Variants in SPIN4 observed in about 807,000 individuals in gnomAD.
The protein encoded by SPIN4 is spindlin-4.
Under a neutral mutation model 10.4 loss-of-function variants are expected in SPIN4, and 4 were observed. That is an observed-to-expected ratio of 0.38 (90% CI 0.19 to 0.88). The LOEUF is 0.88. Among genes scored for constraint, SPIN4 ranks in the 40% least tolerant of loss-of-function variants. The probability of loss-of-function intolerance (pLI) is 0.40; values close to 1 mark genes in which losing one functional copy is unlikely to be tolerated. For synonymous variants in SPIN4, 71 were observed against 78.4 expected (o/e 0.91, Z 0.50); for missense variants, 126 against 198.7 (o/e 0.63, Z 2.20).
chrX:63,347,729 T>C lies in SPIN4; in HGVS notation c.*2341A>G, dbSNP rs1482369682. ...TACTGGTAAATAAAATCCACTCATG[T>C]AGCAAATCATTATTTCACAATGACC... On this transcript the variant is annotated 3_prime_UTR_variant, in exon 1 of 1. Coordinates refer to ENST00000374884, the MANE Select transcript of SPIN4 (RefSeq NM_001012968.3). 1.2e-4 allele frequency: 13 copies of C among 111,770 alleles called. No individual in the cohort carries two copies. The highest frequency in any genetic ancestry group is 4.2e-4 in the African/African-American group (13 of 30,787). The allele number at this position is 111,770 out of a possible 1,213,427, so 9.2% of individuals were successfully genotyped here.
At position 63,351,195 on chromosome X, in the gene SPIN4, G is replaced by A; in HGVS notation, c.-376C>T. On this transcript the variant is annotated 5_prime_UTR_variant, in exon 1 of 1. Coordinates refer to ENST00000374884, the MANE Select transcript of SPIN4 (RefSeq NM_001012968.3). ...GTCGATGCTGGTGCGGCTGCGGCAC[G>A]GCGGCAGAGGAGACGACGGGGACGA... 1 of 170,532 alleles carries A rather than the reference G, an allele frequency of 5.9e-6. No individual in the cohort carries two copies. Among genetic ancestry groups the A allele is most frequent in the Non-Finnish European group, 1.2e-5 (1 of 83,369 alleles). The allele number at this position is 170,532 out of a possible 1,213,427, so 14.1% of individuals were successfully genotyped here. A position where few individuals can be genotyped will look rare whatever the true frequency, so the allele number is the denominator to read the frequency against.
Position 63,347,597 on chromosome X carries a change from T to A in SPIN4, c.*2473A>T, listed in dbSNP as rs1386338476. ...AAATTGAAAACTCACATATTCATAT[T>A]TTTTTAAAGCTAGCACAACTTCAAT... On this transcript the variant is annotated 3_prime_UTR_variant, in exon 1 of 1. Coordinates refer to ENST00000374884, the MANE Select transcript of SPIN4 (RefSeq NM_001012968.3). The A allele has an allele frequency of 8.9e-6, 1 of 112,100 alleles. No individual in the cohort carries two copies. Among genetic ancestry groups the A allele is most frequent in the Non-Finnish European group, 1.9e-5 (1 of 53,088 alleles). The allele number at this position is 112,100 out of a possible 1,213,427, so 9.2% of individuals were successfully genotyped here.
chrX:63,349,216 T>C lies in SPIN4; in HGVS notation c.*854A>G, dbSNP rs1932969225. The C allele has an allele frequency of 1.8e-5, 2 of 111,509 alleles. No homozygotes were observed. Among genetic ancestry groups the C allele is most frequent in the Admixed American group, 1.9e-4 (2 of 10,482 alleles). The allele number at this position is 111,509 out of a possible 1,213,427, so 9.2% of individuals were successfully genotyped here. A position where few individuals can be genotyped will look rare whatever the true frequency, so the allele number is the denominator to read the frequency against. The stretch of plus-strand genomic sequence containing the variant: ...TAAACTAACAAGCAATACAATGCAA[T>C]TTTTAGCCTTTCATATTTTCAAGCA... On this transcript the variant is annotated 3_prime_UTR_variant, in exon 1 of 1. Transcript: ENST00000374884.
At position 63,350,471 on chromosome X, in the gene SPIN4, A is replaced by C; in HGVS notation, c.349T>G (p.Ser117Ala). ...TPRIDSRLAD[S>A]LIGKAVEHVF... Reference sequence around the variant, plus strand: ...TGCTCCACTGCCTTGCCAATCAGGGAATCTGCCAGTCGTGAATCGATACGA... The same window carrying C: ...TGCTCCACTGCCTTGCCAATCAGGGCATCTGCCAGTCGTGAATCGATACGA... Residue 117 changes from serine to alanine, a missense_variant, in exon 1 of 1, where the codon TCC (serine) becomes GCC (alanine). Coordinates refer to ENST00000374884, the MANE Select transcript of SPIN4 (RefSeq NM_001012968.3). The C allele has an allele frequency of 8.3e-7, 1 of 1,211,761 alleles. No homozygotes were observed. The highest frequency in any genetic ancestry group is 1.7e-5 in the African/African-American group (1 of 57,737).
rs1197857501 is a variant in SPIN4, at chrX:63,350,723, T to A, written c.97A>T (p.Thr33Ser). The A allele has an allele frequency of 5.0e-6, 6 of 1,209,822 alleles. No homozygotes were observed. Among genetic ancestry groups the A allele is most frequent in the Non-Finnish European group, 6.7e-6 (6 of 895,203 alleles). The change falls in exon 1 of 1, where the codon ACT (threonine) becomes TCT (serine). Residue 33 changes from threonine (T) to serine (S), a missense_variant. Coordinates refer to ENST00000374884, the MANE Select transcript of SPIN4 (RefSeq NM_001012968.3). ...HTHRKQRRKP[T>S]FLTRRNIVGC... is the part of the protein sequence containing the mutation. Reference sequence around the variant, plus strand: ...ACGATGTTCCTACGAGTGAGGAAAGTGGGCTTGCGCCGTTGCTTCCTGTGG... The same window carrying A: ...ACGATGTTCCTACGAGTGAGGAAAGAGGGCTTGCGCCGTTGCTTCCTGTGG...
In SPIN4 at chrX:63,349,864, T is replaced by C; in HGVS notation, c.*206A>G. On this transcript the variant is annotated 3_prime_UTR_variant, in exon 1 of 1. Transcript: ENST00000374884. ...ATTAGCACCCAATTTAACTGTTAAG[T>C]TACAGAACAAGGCAATATCAAAAGT... is the stretch of plus-strand genomic sequence containing the variant. The C allele has an allele frequency of 2.5e-6, 1 of 394,991 alleles. No homozygotes were observed. Among genetic ancestry groups the C allele is most frequent in the Non-Finnish European group, 4.3e-6 (1 of 232,144 alleles). The allele number at this position is 394,991 out of a possible 1,213,427, so 32.6% of individuals were successfully genotyped here.
chrX:63,350,802 C>A lies in SPIN4; in HGVS notation c.18G>T (p.Val6=). The A allele has an allele frequency of 8.3e-7, 1 of 1,200,472 alleles. No homozygotes were observed. Among genetic ancestry groups the A allele is most frequent in the Non-Finnish European group, 1.1e-6 (1 of 888,262 alleles). ...ACACGCCATCTACCCCCATCGGAGG[C>A]ACGGTTGGAGGAGACATAGCTCAGG... MSPPT[V]PPMGVDGVSA... is the part of the protein sequence containing the mutation. The change falls in exon 1 of 1, where the codon GTG becomes GTT. Residue 6 remains valine, a synonymous_variant. Transcript: ENST00000374884.
rs1221617941 is a variant in SPIN4 at position 63,348,240 on chromosome X, T to A, written c.*1830A>T. ...CTGTAATTTCAATGATTAAATAAGC[T>A]CATTAGACAGAAGATAAAAATACAA... On this transcript the variant is annotated 3_prime_UTR_variant, in exon 1 of 1. Coordinates refer to ENST00000374884, the MANE Select transcript of SPIN4 (RefSeq NM_001012968.3). 2 of 111,044 alleles carry A rather than the reference T, an allele frequency of 1.8e-5. No individual in the cohort carries two copies. Among genetic ancestry groups the A allele is most frequent in the Admixed American group, 1.9e-4 (2 of 10,447 alleles). The allele number at this position is 111,044 out of a possible 1,213,427, so 9.2% of individuals were successfully genotyped here. A position where few individuals can be genotyped will look rare whatever the true frequency, so the allele number is the denominator to read the frequency against.
At position 63,350,454 on chromosome X, in the gene SPIN4, T is replaced by G; in HGVS notation, c.366A>C (p.Ala122=). 1 of 1,211,951 alleles carries G rather than the reference T, an allele frequency of 8.3e-7. No homozygotes were observed. The highest frequency in any genetic ancestry group is 1.1e-6 in the Non-Finnish European group (1 of 895,578). The change falls in exon 1 of 1, where the codon GCA becomes GCC. Residue 122 remains alanine (A), a synonymous_variant. Transcript: ENST00000374884. ...SRLADSLIGK[A]VEHVFEGEHG... Reference sequence around the variant, plus strand: ...GTTCACCTTCAAACACATGCTCCACTGCCTTGCCAATCAGGGAATCTGCCA... The same window carrying G: ...GTTCACCTTCAAACACATGCTCCACGGCCTTGCCAATCAGGGAATCTGCCA...
In SPIN4 at chrX:63,350,423, T is replaced by A; in HGVS notation, c.397A>T (p.Thr133Ser). The change falls in exon 1 of 1, where the codon ACC (threonine) becomes TCC (serine). Residue 133 changes from threonine to serine, a missense_variant. Coordinates refer to ENST00000374884, the MANE Select transcript of SPIN4 (RefSeq NM_001012968.3). ...VEHVFEGEHG[T>S]KDEWKGMVLA... ...ACCATACCCTTCCATTCATCCTTGG[T>A]ACCATGTTCACCTTCAAACACATGC... 3.3e-6 allele frequency: 4 copies of A among 1,211,725 alleles called. No individual in the cohort carries two copies. The highest frequency in any genetic ancestry group is 4.5e-6 in the Non-Finnish European group (4 of 895,540).
In SPIN4 at chrX:63,350,372, T is replaced by C; in HGVS notation, c.448A>G (p.Thr150Ala). The C allele has an allele frequency of 1.7e-6, 2 of 1,211,601 alleles. No homozygotes were observed. The highest frequency in any genetic ancestry group is 2.2e-6 in the Non-Finnish European group (2 of 895,495). The change falls in exon 1 of 1, where the codon ACT becomes GCT. Residue 150 changes from threonine (T) to alanine (A), a missense_variant. Physicochemically the swap from Thr to Ala is moderately conservative, Grantham distance 58. Coordinates refer to ENST00000374884, the MANE Select transcript of SPIN4 (RefSeq NM_001012968.3). ...TTCTCGTAGGTGATGTAAAACCAAG[T>C]ATCCATCACAGGAGCTCGCGCCAGG... ...MVLARAPVMD[T>A]WFYITYEKDP...
chrX:63,348,262 A>T lies in SPIN4; in HGVS notation c.*1808T>A, dbSNP rs1360840435. On this transcript the variant is annotated 3_prime_UTR_variant, in exon 1 of 1. Transcript: ENST00000374884. ...AGCTCATTAGACAGAAGATAAAAAT[A>T]CAAAAATCTATAGGTTGTCTATATT... 4.5e-5 allele frequency: 5 copies of T among 111,650 alleles called. No homozygotes were observed. The highest frequency in any genetic ancestry group is 1.6e-4 in the African/African-American group (5 of 30,907). 9.2% of individuals were successfully genotyped at this position (111,650 alleles called of 1,213,427 possible). A position where few individuals can be genotyped will look rare whatever the true frequency, so the allele number is the denominator to read the frequency against.
Position 63,350,678 on chromosome X carries a change from C to G in SPIN4, c.142G>C (p.Gly48Arg). The part of the protein sequence containing the change: ...RNIVGCRIQH[G>R]WKEGNEPVEQ... ...ACTGGCTCGTTGCCTTCCTTCCAGCCGTGTTGAATGCGGCAGCCCACGATG... is the reference window on the plus strand; with the variant it reads ...ACTGGCTCGTTGCCTTCCTTCCAGCGGTGTTGAATGCGGCAGCCCACGATG... The change falls in exon 1 of 1, where the codon GGC becomes CGC. Residue 48 changes from glycine to arginine, a missense_variant. Coordinates refer to ENST00000374884, the MANE Select transcript of SPIN4 (RefSeq NM_001012968.3). 1 of 1,211,541 alleles carries G rather than the reference C, an allele frequency of 8.3e-7. No individual in the cohort carries two copies. The highest frequency in any genetic ancestry group is 1.1e-6 in the Non-Finnish European group (1 of 895,378).
Position 63,349,848 on chromosome X carries a change from C to T in SPIN4, c.*222G>A. 2.7e-6 allele frequency: 1 copy of T among 365,951 alleles called. No individual in the cohort carries two copies. The highest frequency in any genetic ancestry group is 5.0e-5 in the Admixed American group (1 of 20,023). The allele number at this position is 365,951 out of a possible 1,213,427, so 30.2% of individuals were successfully genotyped here. ...CACTTTTTAATTTTCTATTAGCACC[C>T]AATTTAACTGTTAAGTTACAGAACA... is the stretch of plus-strand genomic sequence containing the variant. On this transcript the variant is annotated 3_prime_UTR_variant, in exon 1 of 1. Transcript: ENST00000374884.
rs1932995877 is a variant in SPIN4, at chrX:63,351,317, G to A, written c.-498C>T. The A allele has an allele frequency of 8.6e-6, 1 of 116,100 alleles. No homozygotes were observed. Among genetic ancestry groups the A allele is most frequent in the African/African-American group, 3.2e-5 (1 of 31,073 alleles). The allele number at this position is 116,100 out of a possible 1,213,427, so 9.6% of individuals were successfully genotyped here. ...CGGCCTGGGCTTCGCAGCGCTAGCT[G>A]GCTTGGCTTCACTCTGGCGACCGGG... On this transcript the variant is annotated 5_prime_UTR_variant, in exon 1 of 1. Coordinates refer to ENST00000374884, the MANE Select transcript of SPIN4 (RefSeq NM_001012968.3).
chrX:63,349,276 C>T lies in SPIN4; in HGVS notation c.*794G>A, dbSNP rs1363656504. 1 of 111,894 alleles carries T rather than the reference C, an allele frequency of 8.9e-6. No homozygotes were observed. The highest frequency in any genetic ancestry group is 1.9e-5 in the Non-Finnish European group (1 of 53,122). 9.2% of individuals were successfully genotyped at this position (111,894 alleles called of 1,213,427 possible). On this transcript the variant is annotated 3_prime_UTR_variant, in exon 1 of 1. Coordinates refer to ENST00000374884, the MANE Select transcript of SPIN4 (RefSeq NM_001012968.3). ...GCTGGAGAGGACGCTGGAACGGGCG[C>T]TTTCATTTTGGATAGTAATCTTGTA...
At position 63,349,191 on chromosome X, in the gene SPIN4, T is replaced by G. The variant is rs1283898694; in HGVS notation, c.*879A>C. On this transcript the variant is annotated 3_prime_UTR_variant, in exon 1 of 1. Coordinates refer to ENST00000374884, the MANE Select transcript of SPIN4 (RefSeq NM_001012968.3). Reference sequence around the variant, plus strand: ...TCTTTGAACTCAGACAAAAGGCAATTAAACTAACAAGCAATACAATGCAAT... The same window carrying G: ...TCTTTGAACTCAGACAAAAGGCAATGAAACTAACAAGCAATACAATGCAAT... The G allele has an allele frequency of 9.0e-6, 1 of 111,698 alleles. No homozygotes were observed. The highest frequency in any genetic ancestry group is 3.3e-5 in the African/African-American group (1 of 30,668). The allele number at this position is 111,698 out of a possible 1,213,427, so 9.2% of individuals were successfully genotyped here. A position where few individuals can be genotyped will look rare whatever the true frequency, so the allele number is the denominator to read the frequency against.
rs1331967838 is a variant in SPIN4, at chrX:63,347,944, T to C, written c.*2126A>G. ...ATAAAACAGGAATAGCGGAAACTCT[T>C]AAACATGTTAATGACTACCTACTAA... On this transcript the variant is annotated 3_prime_UTR_variant, in exon 1 of 1. Transcript: ENST00000374884. The C allele has an allele frequency of 9.0e-6, 1 of 111,293 alleles. No homozygotes were observed. The highest frequency in any genetic ancestry group is 1.9e-5 in the Non-Finnish European group (1 of 52,841). The allele number at this position is 111,293 out of a possible 1,213,427, so 9.2% of individuals were successfully genotyped here.
Position 63,347,838 on chromosome X carries a change from GA to G in SPIN4, c.*2231del, listed in dbSNP as rs782298511. The stretch of plus-strand genomic sequence containing the variant: ...ATTCATTACATCAACAAATTAAAGA[GA>G]AAAAAAATCATACAATTTTATCAAT... On this transcript the variant is annotated 3_prime_UTR_variant, in exon 1 of 1. Coordinates refer to ENST00000374884, the MANE Select transcript of SPIN4 (RefSeq NM_001012968.3). 1.8e-4 allele frequency: 20 copies of G among 110,154 alleles called. No individual in the cohort carries two copies. Among genetic ancestry groups the G allele is most frequent in the African/African-American group, 5.3e-4 (16 of 30,323 alleles). The allele number at this position is 110,154 out of a possible 1,213,427, so 9.1% of individuals were successfully genotyped here. A position where few individuals can be genotyped will look rare whatever the true frequency, so the allele number is the denominator to read the frequency against.
Sources: allele counts gnomAD v4.1 joint callset, GRCh38; gene constraint gnomAD v4.1.1; transcripts MANE v1.5; gene names NCBI Gene and HGNC (gene_info 2026-07-23, HGNC 2026-07-21).